ATP6V0A4: variants seen among roughly 807,000 people sequenced by gnomAD.
ATP6V0A4 encodes the protein ATPase H+ transporting V0 subunit a4.
ATP6V0A4 carries 86 observed loss-of-function variants against 107.3 expected under a neutral mutation model. The ratio of observed to expected loss-of-function variants is 0.80; its 90% CI spans 0.67 to 0.96. ATP6V0A4 has a LOEUF of 0.96. ATP6V0A4 is among the 40% of genes least tolerant of loss of function. ATP6V0A4 has a pLI of 0.00. For missense variants in ATP6V0A4, 908 were observed against 1,045.6 expected (o/e 0.87, Z 1.81); for synonymous variants, 353 against 381.4 (o/e 0.93, Z 0.87).
chr7:138,707,101 ATC>A, intron 21 of ATP6V0A4, among the ~76,000 whole-genome samples: 1 of 48,018 alleles, frequency 2.1e-5, no homozygotes, highest in African/African-American at 1.6e-4. Flanking sequence ...TGTATAATAT[ATC>A]ATATATATTA....
At chr7:138,730,519 T>C (rs1308368396) in intron 17 of ATP6V0A4, among the ~76,000 whole-genome samples, 4 of 152,152 alleles carry the variant, frequency 2.6e-5, no homozygotes, top group African/African-American at 9.7e-5. Context: ...ACAATTAATC[T>C]TCACACTAGG....
At chr7:138,775,916 C>G (rs1807638648) in intron 2 of ATP6V0A4, among the ~76,000 whole-genome samples, 1 of 152,166 alleles carries the variant, frequency 6.6e-6, no homozygotes, top group South Asian at 2.1e-4. Context: ...TCCCAAAGTG[C>G]TGGGATTACA....
intron 2 of ATP6V0A4, among the ~76,000 whole-genome samples, chr7:138,782,045 C>T (rs1204383544): frequency 1.3e-5 from 2 of 152,142 alleles, no homozygotes; most frequent in Non-Finnish European, 2.9e-5. Flanking sequence ...AGCCTGGGGA[C>T]CGCAGAATTG....
At chr7:138,774,940 G>C (rs1188182490) in intron 2 of ATP6V0A4, among the ~76,000 whole-genome samples, 1 of 152,018 alleles carries the variant, frequency 6.6e-6, no homozygotes, top group East Asian at 1.9e-4. Flanking sequence ...GAGGGGTCTT[G>C]TCTTTTCCTA....
At chr7:138,707,394 A>AAT (rs1401753708) in intron 21 of ATP6V0A4, among the ~76,000 whole-genome samples, 2 of 57,320 alleles carry the variant, frequency 3.5e-5, no homozygotes, top group Non-Finnish European at 6.4e-5. Flanking sequence ...TATAAAAATA[A>AAT]ATATATTATA....
At chr7:138,771,355 A>T in intron 2 of ATP6V0A4, 91 bp from the exon 3 acceptor site, 2 of 1,438,968 alleles carry the variant, frequency 1.4e-6, no homozygotes, top group Non-Finnish European at 1.9e-6. Flanking sequence ...TTAAAATCTA[A>T]CAGGGAAAAA....
At chr7:138,711,986 G>A (rs550078954) in intron 20 of ATP6V0A4, among the ~76,000 whole-genome samples, 2 of 152,334 alleles carry the variant, frequency 1.3e-5, no homozygotes, top group South Asian at 4.1e-4. Flanking sequence ...AGGCTGGAGT[G>A]CAGTGGTGTG....
At chr7:138,745,317 G>A (rs1397154838) in intron 13 of ATP6V0A4, 37 bp from the exon 14 acceptor site, 1 of 1,613,006 alleles carries the variant, frequency 6.2e-7, no homozygotes. Context: ...ATTGTCAGTG[G>A]GCTCTGAAGC....
intron 5 of ATP6V0A4, 79 bp downstream of exon 5, chr7:138,768,701 A>G: frequency 6.5e-7 from 1 of 1,539,238 alleles, no homozygotes. Context: ...CGGAATCTGC[A>G]AGTGGCTCTC....
intron 5 of ATP6V0A4, among the ~76,000 whole-genome samples, chr7:138,765,981 A>G (rs1478648622): frequency 2.6e-5 from 4 of 152,048 alleles, no homozygotes; most frequent in Middle Eastern, 3.2e-3. Context: ...CAAACCCCTG[A>G]GCTCAAGCAA....
At chr7:138,785,278 CTTTT>C (rs67440202) in intron 2 of ATP6V0A4, among the ~76,000 whole-genome samples, 8 of 131,668 alleles carry the variant, frequency 6.1e-5, no homozygotes, top group Admixed American at 7.9e-5. Flanking sequence ...TTTCTTTTTT[CTTTT>C]TTTTTTTTTT....
chr7:138,726,687 G>A (rs1165078374), intron 18 of ATP6V0A4, among the ~76,000 whole-genome samples: 1 of 152,172 alleles, frequency 6.6e-6, no homozygotes, highest in Non-Finnish European at 1.5e-5. Context: ...GAACGGAGGT[G>A]GTAATGTTTC....
At chr7:138,742,363 G>C (rs186321421) in intron 14 of ATP6V0A4, among the ~76,000 whole-genome samples, 1 of 152,120 alleles carries the variant, frequency 6.6e-6, no homozygotes, top group Admixed American at 6.5e-5. Context: ...GGAGGCAGAC[G>C]TTGCAGTGAG....
Position 138,771,131 on chromosome 7 carries a change from A to C in ATP6V0A4, c.117T>G (p.Asp39Glu). 1 of 1,613,734 alleles carries C rather than the reference A, an allele frequency of 6.2e-7. No individual in the cohort carries two copies. Among genetic ancestry groups the C allele is most frequent in the Non-Finnish European group, 8.5e-7 (1 of 1,179,728 alleles). ...LGELGLVQFK[D>E]LNMNVNSFQR... ...TATCTCCAAAGAACTCAGTACCTAC[A>C]TCTTTGAACTGAACCAATCCGAGCT... The change falls in exon 3 of 22, where the codon GAT (aspartate) becomes GAG (glutamate). Residue 39 changes from aspartate (D) to glutamate (E), a missense_variant and splice_region_variant. By Grantham distance (45) the Asp-to-Glu change is conservative (BLOSUM62 2). Coordinates refer to ENST00000310018, the MANE Select transcript of ATP6V0A4 (RefSeq NM_020632.3).
At chr7:138,722,366 A>G (rs1362562783) in intron 18 of ATP6V0A4, among the ~76,000 whole-genome samples, 1 of 151,736 alleles carries the variant, frequency 6.6e-6, no homozygotes, top group African/African-American at 2.4e-5. Flanking sequence ...AAATAAAAAA[A>G]GAAAAGAAAT....
chr7:138,742,900 C>A (rs202108293), intron 14 of ATP6V0A4, among the ~76,000 whole-genome samples: 964 of 131,240 alleles, frequency 7.3e-3, no homozygotes, highest in East Asian at 8.8e-3. Context: ...AATTGCAAAG[C>A]AAAAAAAAAA....
intron 5 of ATP6V0A4, 80 bp from the exon 6 acceptor site, chr7:138,763,105 T>TA (rs893348990): frequency 2.5e-5 from 39 of 1,573,936 alleles, no homozygotes; most frequent in African/African-American, 8.2e-5. Context: ...AACAGATGAC[T>TA]AAAAAAAATC....
intron 1 of ATP6V0A4, among the ~76,000 whole-genome samples, chr7:138,789,968 C>CAAAAAAA (rs34413519): frequency 7.9e-6 from 1 of 126,746 alleles, no homozygotes; most frequent in Non-Finnish European, 1.7e-5. Flanking sequence ...GACTCTGTCT[C>CAAAAAAA]AAAAAAAAAA....
At chr7:138,709,839 AT>A in intron 20 of ATP6V0A4, 44 bp from the exon 21 acceptor site, 2 of 1,597,126 alleles carry the variant, frequency 1.3e-6, no homozygotes, top group Admixed American at 1.7e-5. Flanking sequence ...GTAAATGCAG[AT>A]TGTTATTTAT....
Sources: gnomAD v4.1 joint callset for allele counts (sites outside exome capture counted in the v4.1 genomes callset) on GRCh38, gnomAD v4.1.1 for gene constraint, MANE v1.5 for transcripts, NCBI Gene and HGNC (gene_info 2026-07-23, HGNC 2026-07-21) for gene names.